CHD6: variants seen among roughly 807,000 people sequenced by gnomAD.
CHD6 encodes the protein chromodomain helicase DNA binding protein 6.
CHD6 carries 50 observed loss-of-function variants against 276.9 expected under a neutral mutation model. That is an observed-to-expected ratio of 0.18 (90% CI 0.14 to 0.23). CHD6 has a LOEUF of 0.23. CHD6 is among the 10% of genes least tolerant of loss of function. CHD6 has a pLI of 1.00. For synonymous variants in CHD6, 1,173 were observed against 1,229.3 expected (o/e 0.95, Z 0.96); for missense variants, 2,564 against 3,365.8 (o/e 0.76, Z 5.89).
Position 41,483,411 on chromosome 20 carries a change from T to C in CHD6, c.2366A>G (p.Asp789Gly), listed in dbSNP as rs887674484. Residue 789 changes from aspartate to glycine, a missense_variant, in exon 16 of 37, where the codon GAT becomes GGT. Around this residue, in one of 7 missense-constraint regions of CHD6, gnomAD observed 457 missense variants for 889.0 expected, o/e 0.51. Coordinates refer to ENST00000373233, the MANE Select transcript of CHD6 (RefSeq NM_032221.5). ...IQAAGKLVLIDKLLPKLIAGG... is the reference protein window; with the variant it reads ...IQAAGKLVLIGKLLPKLIAGG... ...TGCAATCAGCTTAGGGAGTAGTTTA[T>C]CAATCAACACAAGCTTTCCTGCTGC... is the stretch of plus-strand genomic sequence containing the variant. 1 of 1,613,720 alleles carries C rather than the reference T, an allele frequency of 6.2e-7. No homozygotes were observed. The highest frequency in any genetic ancestry group is 8.5e-7 in the Non-Finnish European group (1 of 1,179,880).
At chr20:41,576,786 C>A (rs953216906) in intron 1 of CHD6, among the ~76,000 whole-genome samples, 3 of 152,204 alleles carry the variant, frequency 2.0e-5, no homozygotes, top group African/African-American at 7.2e-5. Flanking sequence ...TTATCCCTAT[C>A]AATAACATCC....
At chr20:41,602,448 G>A (rs1009412235) in intron 1 of CHD6, among the ~76,000 whole-genome samples, 1 of 152,094 alleles carries the variant, frequency 6.6e-6, no homozygotes, top group Admixed American at 6.5e-5. Flanking sequence ...TCACACCAAG[G>A]AGTAAAACTG....
At chr20:41,448,086 A>C in intron 23 of CHD6, 115 bp from the exon 24 acceptor site, 1 of 530,414 alleles carries the variant, frequency 1.9e-6, no homozygotes, top group Admixed American at 3.1e-5. Context: ...TAATATTATG[A>C]AGTAATAGAA....
chr20:41,451,930 T>C lies in CHD6; in HGVS notation c.3419A>G (p.Tyr1140Cys). The C allele has an allele frequency of 6.2e-7, 1 of 1,614,050 alleles. No individual in the cohort carries two copies. The highest frequency in any genetic ancestry group is 8.5e-7 in the Non-Finnish European group (1 of 1,179,936). The change falls in exon 22 of 37, where the codon TAC becomes TGC. Residue 1140 changes from tyrosine to cysteine, a missense_variant. Physicochemically the swap from Tyr to Cys is radical, Grantham distance 194 (BLOSUM62 -2). Transcript: ENST00000373233. Reference sequence around the variant, plus strand: ...GTCCCCCTTATAATGCTTGACACAGTACACCAGGAGGGCACGGCAAATCAT... The same window carrying C: ...GTCCCCCTTATAATGCTTGACACAGCACACCAGGAGGGCACGGCAAATCAT... ...MEMICRALLV[Y>C]CVKHYKGDEK...
chr20:41,530,252 GGC>G lies in CHD6; in HGVS notation c.554+2796_554+2797del, dbSNP rs1439950704. On this transcript the variant is annotated intron_variant, in intron 3 of 36. Transcript: ENST00000373233. ...GATTTAGAATTGAAAAGGGAGAAAA[GGC>G]GATCTGATTTACCACCACCACCACC... Among the ~76,000 whole-genome samples, 21 of 152,292 alleles carry G rather than the reference GGC, an allele frequency of 1.4e-4. No homozygotes were observed. The East Asian group carries it at 4.0e-3, about 29-fold the overall frequency.
chr20:41,511,108 C>A (rs1028720426), intron 5 of CHD6, among the ~76,000 whole-genome samples: 3 of 152,192 alleles, frequency 2.0e-5, no homozygotes, highest in Admixed American at 6.5e-5. Context: ...CTGCTACTTT[C>A]CATGCAAACA....
In CHD6 at chr20:41,538,057, A is replaced by G. The variant is rs565531191; in HGVS notation, c.34-4487T>C. Among the ~76,000 whole-genome samples the G allele has an allele frequency of 8.0e-4, 122 of 152,368 alleles. 1 individual carries two copies. Among genetic ancestry groups the G allele is most frequent in the African/African-American group, 2.7e-3 (112 of 41,582 alleles). On this transcript the variant is annotated intron_variant, in intron 2 of 36. Coordinates refer to ENST00000373233, the MANE Select transcript of CHD6 (RefSeq NM_032221.5). Reference sequence around the variant, plus strand: ...AATGGCATATTATTCAGCCATAAAAAGGAGTGAAGTGGGGCTGGGTGCAGT... The same window carrying G: ...AATGGCATATTATTCAGCCATAAAAGGGAGTGAAGTGGGGCTGGGTGCAGT...
chr20:41,502,464 G>A (rs6129853), intron 5 of CHD6, among the ~76,000 whole-genome samples: 34,781 of 152,024 alleles, frequency 0.23, 4,132 homozygotes, highest in East Asian at 0.39. Flanking sequence ...GGTCCATACT[G>A]GACAAGGTAG....
intron 1 of CHD6, among the ~76,000 whole-genome samples, chr20:41,598,280 C>T (rs1451303429): frequency 1.3e-5 from 2 of 152,102 alleles, no homozygotes; most frequent in Admixed American, 1.3e-4. Context: ...CCCCTCCGCC[C>T]TCTCCTTCAA....
chr20:41,501,661 A>C (rs2043832380), intron 5 of CHD6, among the ~76,000 whole-genome samples: 1 of 152,234 alleles, frequency 6.6e-6, no homozygotes, highest in South Asian at 2.1e-4. Context: ...TGGATATATA[A>C]CTAGGAGAAG....
At chr20:41,488,306 A>G in intron 13 of CHD6, 122 bp downstream of exon 13, 1 of 974,788 alleles carries the variant, frequency 1.0e-6, no homozygotes, top group Non-Finnish European at 1.5e-6. Context: ...TAGAGACCAA[A>G]AAAGAAAATC....
chr20:41,453,401 T>C (rs1177428715), intron 20 of CHD6, among the ~76,000 whole-genome samples: 2 of 152,252 alleles, frequency 1.3e-5, no homozygotes, highest in African/African-American at 2.4e-5. Flanking sequence ...GCTTTATTTA[T>C]CTGCCTTCGA....
intron 3 of CHD6, among the ~76,000 whole-genome samples, chr20:41,530,590 A>T (rs2146057090): frequency 6.6e-6 from 1 of 152,330 alleles, no homozygotes; most frequent in South Asian, 2.1e-4. Context: ...GTATTTTTAA[A>T]TCAATTAACA....
chr20:41,494,003 C>T, intron 8 of CHD6, 59 bp from the exon 9 acceptor site: 1 of 1,262,130 alleles, frequency 7.9e-7, no homozygotes. Context: ...AATCCAACAC[C>T]TAGGGTGTTA....
intron 1 of CHD6, among the ~76,000 whole-genome samples, chr20:41,585,869 G>A (rs1358312947): frequency 6.6e-6 from 1 of 152,152 alleles, no homozygotes; most frequent in Non-Finnish European, 1.5e-5. Flanking sequence ...GATAATGAGA[G>A]ACAGGACTAG....
At chr20:41,606,898 A>G (rs532335439) in intron 1 of CHD6, among the ~76,000 whole-genome samples, 45 of 152,284 alleles carry the variant, frequency 3.0e-4, no homozygotes, top group African/African-American at 9.6e-4. Flanking sequence ...AGATGATTCT[A>G]ATACACAACA....
chr20:41,430,727 G>A (rs75366363), intron 27 of CHD6, among the ~76,000 whole-genome samples: 261 of 152,168 alleles, frequency 1.7e-3, no homozygotes, highest in African/African-American at 5.8e-3. Context: ...AAAGAGTCAA[G>A]TTCCATATGA....
chr20:41,592,926 C>G (rs1209736728), intron 1 of CHD6, among the ~76,000 whole-genome samples: 4 of 152,048 alleles, frequency 2.6e-5, no homozygotes, highest in Admixed American at 6.5e-5. Flanking sequence ...TCTCAGGTAT[C>G]TAAAACGTGC....
At chr20:41,439,912 G>T in intron 26 of CHD6, 88 bp downstream of exon 26, 1 of 1,355,944 alleles carries the variant, frequency 7.4e-7, no homozygotes, top group Non-Finnish European at 1.0e-6. Flanking sequence ...TGCTGAGGAA[G>T]AGATAAAGAG....
Sources: gnomAD v4.1 joint callset for allele counts (sites outside exome capture counted in the v4.1 genomes callset) on GRCh38, gnomAD v4.1.1 for gene constraint, gnomAD v4.1.1 regional missense constraint, MANE v1.5 for transcripts, NCBI Gene and HGNC (gene_info 2026-07-23, HGNC 2026-07-21) for gene names.